GPC5: variants seen among roughly 807,000 people sequenced by gnomAD.
GPC5 encodes glypican 5.
A neutral mutation model predicts 53.9 loss-of-function variants in GPC5; 47 were observed. The ratio of observed to expected loss-of-function variants is 0.87; its 90% CI spans 0.69 to 1.11. GPC5 has a LOEUF of 1.11. Among genes scored for constraint, GPC5 ranks in the 50% most tolerant of loss-of-function variants. GPC5 has a pLI of 0.00. For missense variants in GPC5, 748 were observed against 713.1 expected (o/e 1.05, Z -0.56); for synonymous variants, 286 against 263.3 (o/e 1.09, Z -0.84).
intron 2 of GPC5, among the ~76,000 whole-genome samples, chr13:91,504,072 C>A (rs1884807918): frequency 6.6e-6 from 1 of 151,726 alleles, no homozygotes. Context: ...TAACAAAAAA[C>A]AATTGTTCTT....
intron 7 of GPC5, among the ~76,000 whole-genome samples, chr13:92,393,844 T>C (rs1384056822): frequency 1.3e-5 from 2 of 152,212 alleles, no homozygotes; most frequent in African/African-American, 4.8e-5. Context: ...AACTTTCACA[T>C]GTACACCGAA....
chr13:91,766,491 T>C (rs1396024027), intron 5 of GPC5, among the ~76,000 whole-genome samples: 2 of 152,238 alleles, frequency 1.3e-5, no homozygotes, highest in Non-Finnish European at 2.9e-5. Flanking sequence ...AGGTTGTCAA[T>C]AAAGATTAAC....
intron 7 of GPC5, among the ~76,000 whole-genome samples, chr13:92,518,720 C>A (rs1249781989): frequency 6.6e-6 from 1 of 152,184 alleles, no homozygotes. Context: ...ACTGCATCAA[C>A]TAACGAGCAA....
chr13:91,416,558 A>G (rs1365540313), intron 1 of GPC5, among the ~76,000 whole-genome samples: 1 of 152,052 alleles, frequency 6.6e-6, no homozygotes, highest in African/African-American at 2.4e-5. Flanking sequence ...TGCCGCACCC[A>G]TCAACTCGTC....
intron 7 of GPC5, among the ~76,000 whole-genome samples, chr13:92,714,211 T>G (rs1441145542): frequency 6.6e-6 from 1 of 152,194 alleles, no homozygotes; most frequent in Non-Finnish European, 1.5e-5. Flanking sequence ...ATGTTACATA[T>G]GATCTTTCCC....
chr13:92,639,714 C>T (rs901088400), intron 7 of GPC5, among the ~76,000 whole-genome samples: 2 of 152,134 alleles, frequency 1.3e-5, no homozygotes, highest in African/African-American at 4.8e-5. Flanking sequence ...GAGCAAAAAC[C>T]AGGTATCTGT....
intron 7 of GPC5, chr13:92,659,114 G>C (rs1333349218): frequency 6.7e-6 from 1 of 150,184 alleles, no homozygotes; most frequent in East Asian, 2.0e-4. Flanking sequence ...ATTTTTAGTA[G>C]AGACGGGGTT....
chr13:92,032,034 A>T (rs957754577), intron 6 of GPC5, among the ~76,000 whole-genome samples: 11 of 136,018 alleles, frequency 8.1e-5, no homozygotes, highest in Non-Finnish European at 1.4e-4. Flanking sequence ...TAAAATATAT[A>T]AAAATTTATA....
intron 2 of GPC5, among the ~76,000 whole-genome samples, chr13:91,560,242 C>T (rs1297836750): frequency 6.6e-6 from 1 of 152,072 alleles, no homozygotes; most frequent in African/African-American, 2.4e-5. Flanking sequence ...TGTGTATCTC[C>T]TACAAGGTTC....
At chr13:92,137,056 G>A (rs2041789969) in intron 6 of GPC5, among the ~76,000 whole-genome samples, 1 of 151,202 alleles carries the variant, frequency 6.6e-6, no homozygotes, top group African/African-American at 2.4e-5. Flanking sequence ...CGTTCCGAAA[G>A]TTGTTTTTTT....
chr13:91,520,618 CATAAG>C (rs1202916585), intron 2 of GPC5, among the ~76,000 whole-genome samples: 1 of 151,932 alleles, frequency 6.6e-6, no homozygotes, highest in Non-Finnish European at 1.5e-5. Flanking sequence ...ACTAGAATCC[CATAAG>C]ATAATTCCTT....
Position 92,385,461 on chromosome 13 carries a change from C to CATATATATATACATATAT in GPC5, c.1561+240473_1561+240474insTATATATATACATATATA, listed in dbSNP as rs2043792066. Among the ~76,000 whole-genome samples the CATATATATATACATATAT allele has an allele frequency of 7.1e-5, 5 of 70,446 alleles. 1 individual carries two copies. Among genetic ancestry groups the CATATATATATACATATAT allele is most frequent in the South Asian group, 9.0e-4 (2 of 2,234 alleles). The allele number at this position is 70,446 out of a possible 152,430, so 46.2% of individuals were successfully genotyped here. ...ACATATATACATATATACATATATA[C>CATATATATATACATATAT]ACATATATACATATATACATATATA... On this transcript the variant is annotated intron_variant, in intron 7 of 7. Transcript: ENST00000377067.
rs535838346 is a variant in GPC5 at position 91,739,112 on chromosome 13, T to A, written c.1154+10447T>A. 7.3e-5 allele frequency among the ~76,000 whole-genome samples: 11 copies of A among 151,708 alleles called. 1 individual carries two copies. The highest frequency in any genetic ancestry group is 2.7e-4 in the African/African-American group (11 of 40,972). ...TGTACATTGTTGCCAATTAACATTT[T>A]AAAAATGAAAATGTCTAAGCCATCG... is the stretch of plus-strand genomic sequence containing the variant. On this transcript the variant is annotated intron_variant, in intron 4 of 7. Transcript: ENST00000377067.
intron 7 of GPC5, among the ~76,000 whole-genome samples, chr13:92,417,761 T>C (rs1374142447): frequency 6.6e-6 from 1 of 152,112 alleles, no homozygotes; most frequent in African/African-American, 2.4e-5. Context: ...TGTGGTGGCA[T>C]GTGCCTGTGG....
chr13:91,651,765 T>A (rs980442328), intron 2 of GPC5, among the ~76,000 whole-genome samples: 2 of 151,878 alleles, frequency 1.3e-5, no homozygotes, highest in Non-Finnish European at 2.9e-5. Context: ...CTATATTAAT[T>A]AAGGAAAATG....
intron 7 of GPC5, among the ~76,000 whole-genome samples, chr13:92,199,477 A>G (rs2042279469): frequency 6.6e-6 from 1 of 152,120 alleles, no homozygotes; most frequent in South Asian, 2.1e-4. Context: ...AAAATTGAAT[A>G]ATAAAAAAAG....
At chr13:92,369,088 A>G in intron 7 of GPC5, among the ~76,000 whole-genome samples, 1 of 152,252 alleles carries the variant, frequency 6.6e-6, no homozygotes. Flanking sequence ...CTCTATTCTC[A>G]CAAAGATTTC....
chr13:92,716,073 T>C (rs962902656), intron 7 of GPC5, among the ~76,000 whole-genome samples: 2 of 152,226 alleles, frequency 1.3e-5, no homozygotes, highest in African/African-American at 4.8e-5. Context: ...AGACTCAGGA[T>C]TGGAGACTTT....
chr13:91,766,369 G>A (rs2037524364), intron 5 of GPC5, among the ~76,000 whole-genome samples: 1 of 152,148 alleles, frequency 6.6e-6, no homozygotes, highest in African/African-American at 2.4e-5. Context: ...TCATGGGCAT[G>A]TCGTGACTAT....
Sources: gnomAD v4.1 joint callset for allele counts (sites outside exome capture counted in the v4.1 genomes callset) on GRCh38, gnomAD v4.1.1 for gene constraint, MANE v1.5 for transcripts, NCBI Gene and HGNC (gene_info 2026-07-23, HGNC 2026-07-21) for gene names.